The following HMBOX1 variants were observed in gnomAD, a reference collection of about 807,000 sequenced individuals.
HMBOX1 encodes the protein homeobox-containing protein 1.
HMBOX1 carries 14 observed loss-of-function variants against 54.5 expected under a neutral mutation model. The ratio of observed to expected loss-of-function variants is 0.26; its 90% CI spans 0.17 to 0.40. The LOEUF (loss-of-function observed/expected upper bound fraction) is 0.40, where lower values mean the gene tolerates loss of function less well. Ranked by LOEUF, HMBOX1 falls within the 10% of genes least tolerant of loss-of-function variation. The pLI, the probability that HMBOX1 is intolerant of heterozygous loss-of-function variation, is 1.00. For missense variants in HMBOX1, 332 were observed against 514.4 expected (o/e 0.65, Z 3.43); for synonymous variants, 160 against 181.0 (o/e 0.88, Z 0.93).
intron 3 of HMBOX1, among the ~76,000 whole-genome samples, chr8:28,973,267 A>G (rs562593241): frequency 1.3e-5 from 2 of 152,356 alleles, no homozygotes; most frequent in East Asian, 3.9e-4. Context: ...ACTTTGCCCA[A>G]GAGAACTTCA....
chr8:28,935,617 AC>A (rs934519683), intron 1 of HMBOX1, among the ~76,000 whole-genome samples: 7 of 152,178 alleles, frequency 4.6e-5, no homozygotes, highest in African/African-American at 1.7e-4. Context: ...AGAAAATGTA[AC>A]TTTGCTAAGG....
rs1002662292 is a variant in HMBOX1 at position 29,008,948 on chromosome 8, G to A, written c.587-124G>A. 1.1e-5 allele frequency: 7 copies of A among 637,946 alleles called. No individual in the cohort carries two copies. The African/African-American group carries it at 1.3e-4, about 12-fold the overall frequency. 39.5% of individuals were successfully genotyped at this position (637,946 alleles called of 1,614,324 possible). A position where few individuals can be genotyped will look rare whatever the true frequency, so the allele number is the denominator to read the frequency against. ...AGGAATCCAATAATAGTTTGCTCAG[G>A]TTGCAACTTCCTTATGGACTGGACA... is the stretch of plus-strand genomic sequence containing the variant. On this transcript the variant is annotated intron_variant, in intron 4 of 9. Coordinates refer to ENST00000287701, the MANE Select transcript of HMBOX1 (RefSeq NM_001135726.3).
chr8:29,033,269 A>G (rs1803294819), intron 6 of HMBOX1, among the ~76,000 whole-genome samples: 1 of 152,198 alleles, frequency 6.6e-6, no homozygotes, highest in African/African-American at 2.4e-5. Context: ...ATTATGCCGG[A>G]AGTTGTATTT....
At chr8:28,943,649 G>A (rs1391960446) in intron 1 of HMBOX1, among the ~76,000 whole-genome samples, 2 of 152,122 alleles carry the variant, frequency 1.3e-5, no homozygotes, top group Admixed American at 6.5e-5. Flanking sequence ...TTTTGGGGTG[G>A]CATGCTCTGA....
intron 4 of HMBOX1, among the ~76,000 whole-genome samples, chr8:29,008,305 C>CT (rs752391863): frequency 2.2e-4 from 33 of 152,230 alleles, no homozygotes; most frequent in Non-Finnish European, 4.6e-4. Flanking sequence ...TTTAGACATG[C>CT]TTTTTTACTT....
chr8:28,939,309 A>G (rs1356903237), intron 1 of HMBOX1, among the ~76,000 whole-genome samples: 1 of 151,700 alleles, frequency 6.6e-6, no homozygotes, highest in Admixed American at 6.6e-5. Flanking sequence ...AAAAGAAAAA[A>G]GGAAAGAACA....
chr8:29,042,512 G>C (rs1804990077), intron 6 of HMBOX1: 1 of 391,908 alleles, frequency 2.6e-6, no homozygotes, highest in Non-Finnish European at 5.1e-6. Flanking sequence ...GCAGGAGATG[G>C]GATATGAAAG....
chr8:28,900,033 G>GAGATCAGGAGTTCA (rs1452260391), intron 1 of HMBOX1, among the ~76,000 whole-genome samples: 1 of 151,900 alleles, frequency 6.6e-6, no homozygotes, highest in African/African-American at 2.4e-5. Context: ...GGCGGATCAT[G>GAGATCAGGAGTTCA]AGATCAGGAG....
In HMBOX1 at chr8:29,045,179, G is replaced by A. The variant is rs1805390824; in HGVS notation, c.852-182G>A. 3.3e-5 allele frequency among the ~76,000 whole-genome samples: 5 copies of A among 152,224 alleles called. No individual in the cohort carries two copies. The South Asian group carries it at 1.0e-3, about 32-fold the overall frequency. On this transcript the variant is annotated intron_variant, in intron 6 of 9. Transcript: ENST00000287701. ...TCAAGTGCTCAGTAGCCATTTGTGA[G>A]TTGTGGCTACCATACTGGACAGCAT... is the stretch of plus-strand genomic sequence containing the variant.
intron 1 of HMBOX1, among the ~76,000 whole-genome samples, chr8:28,907,052 A>G (rs1448603237): frequency 1.3e-5 from 2 of 151,942 alleles, no homozygotes; most frequent in African/African-American, 4.8e-5. Context: ...AAATAATTAA[A>G]TGGCTTTATG....
intron 4 of HMBOX1, among the ~76,000 whole-genome samples, chr8:29,005,247 A>G (rs561540629): frequency 7.2e-5 from 11 of 152,340 alleles, no homozygotes; most frequent in South Asian, 6.2e-4. Context: ...ATTCTTTGCA[A>G]CTATTTGCTT....
chr8:29,043,877 A>G (rs1805197722), intron 6 of HMBOX1, among the ~76,000 whole-genome samples: 1 of 152,204 alleles, frequency 6.6e-6, no homozygotes, highest in Admixed American at 6.5e-5. Context: ...CCGTATGAAC[A>G]CTGGAGTCCC....
chr8:28,997,870 G>T (rs1372444884), intron 4 of HMBOX1, among the ~76,000 whole-genome samples: 2 of 152,162 alleles, frequency 1.3e-5, no homozygotes, highest in Admixed American at 1.3e-4. Context: ...TTTTCCTGTG[G>T]TGTCTTTGTC....
chr8:28,975,969 C>T (rs1040876303), intron 3 of HMBOX1, among the ~76,000 whole-genome samples: 1 of 151,924 alleles, frequency 6.6e-6, no homozygotes, highest in Non-Finnish European at 1.5e-5. Flanking sequence ...GAATGAGGGT[C>T]GGGGGTGATG....
chr8:28,911,417 G>T (rs1174915700), intron 1 of HMBOX1, among the ~76,000 whole-genome samples: 1 of 152,072 alleles, frequency 6.6e-6, no homozygotes, highest in African/African-American at 2.4e-5. Flanking sequence ...GCGCAGTGGC[G>T]CGATATCAGC....
At chr8:28,917,069 A>C (rs1263154151) in intron 1 of HMBOX1, among the ~76,000 whole-genome samples, 4 of 149,730 alleles carry the variant, frequency 2.7e-5, no homozygotes, top group African/African-American at 9.7e-5. Flanking sequence ...CCTGTCTCAA[A>C]AAAAAAAAAA....
chr8:28,983,707 A>G (rs1829755672), intron 4 of HMBOX1, among the ~76,000 whole-genome samples: 5 of 152,194 alleles, frequency 3.3e-5, no homozygotes, highest in Admixed American at 3.3e-4. Context: ...CACAAGCTAT[A>G]CATGTGAAAA....
intron 1 of HMBOX1, among the ~76,000 whole-genome samples, chr8:28,923,518 T>A (rs1817893799): frequency 6.6e-6 from 1 of 152,238 alleles, no homozygotes; most frequent in East Asian, 1.9e-4. Context: ...GTACCAATAC[T>A]TTTTTCTTGT....
intron 4 of HMBOX1, among the ~76,000 whole-genome samples, chr8:28,995,610 A>G (rs535405134): frequency 7.2e-5 from 11 of 152,350 alleles, no homozygotes; most frequent in African/African-American, 2.6e-4. Flanking sequence ...CCACCAATGT[A>G]TGACATTTCC....
Sources: gnomAD v4.1 joint callset for allele counts (sites outside exome capture counted in the v4.1 genomes callset) on GRCh38, gnomAD v4.1.1 for gene constraint, MANE v1.5 for transcripts, NCBI Gene and HGNC (gene_info 2026-07-23, HGNC 2026-07-21) for gene names.